Variants in PKM observed in about 807,000 individuals in gnomAD.
PKM encodes the protein pyruvate kinase PKM.
Under a neutral mutation model 49.8 loss-of-function variants are expected in PKM, and 18 were observed. That is an observed-to-expected ratio of 0.36 (90% CI 0.25 to 0.54). The LOEUF is 0.54. Among genes scored for constraint, PKM ranks in the 20% least tolerant of loss-of-function variants. The pLI, the probability that PKM is intolerant of heterozygous loss-of-function variation, is 0.89. For synonymous variants in PKM, 239 were observed against 261.8 expected (o/e 0.91, Z 0.84); for missense variants, 508 against 713.8 (o/e 0.71, Z 3.28).
intron 6 of PKM, among the ~76,000 whole-genome samples, chr15:72,207,577 T>C (rs909112470): frequency 4.6e-5 from 7 of 152,210 alleles, no homozygotes; most frequent in African/African-American, 1.7e-4. Flanking sequence ...CCAAATCCCA[T>C]GCATGTTAGG....
chr15:72,214,027 CTATAATCTTACAAAAT>C (rs956621734), intron 3 of PKM, among the ~76,000 whole-genome samples: 1 of 152,198 alleles, frequency 6.6e-6, no homozygotes, highest in Admixed American at 6.5e-5. Flanking sequence ...TTTCATTGAG[CTATAATCTTACAAAAT>C]TATTTTCTTC....
intron 3 of PKM, among the ~76,000 whole-genome samples, chr15:72,214,848 A>C (rs1399412189): frequency 6.6e-6 from 1 of 152,162 alleles, no homozygotes; most frequent in African/African-American, 2.4e-5. Context: ...ATATGGAACC[A>C]CATGTTCAGC....
chr15:72,207,094 C>A, intron 7 of PKM, 33 bp downstream of exon 7: 1 of 1,611,910 alleles, frequency 6.2e-7, no homozygotes, highest in South Asian at 1.1e-5. Flanking sequence ...TGCGAGTGTG[C>A]ACATGAGAAT....
chr15:72,230,815 C>T (rs1327867608), intron 1 of PKM: 4 of 596,688 alleles, frequency 6.7e-6, no homozygotes, highest in Non-Finnish European at 1.0e-5. Flanking sequence ...AGGATGGAGG[C>T]GCATTGAGGA....
chr15:72,203,054 T>G, intron 8 of PKM: 1 of 1,614,206 alleles, frequency 6.2e-7, no homozygotes, highest in South Asian at 1.1e-5. Context: ...TCAAAGCTGC[T>G]GCTAAACACT....
intron 5 of PKM, 102 bp downstream of exon 5, chr15:72,209,571 A>T: frequency 1.1e-6 from 1 of 943,508 alleles, no homozygotes; most frequent in Non-Finnish European, 1.7e-6. Flanking sequence ...ACACAGACTC[A>T]ATCTCACTGC....
chr15:72,211,957 C>T (rs1272682298), intron 3 of PKM, among the ~76,000 whole-genome samples: 3 of 152,118 alleles, frequency 2.0e-5, no homozygotes, highest in Non-Finnish European at 2.9e-5. Flanking sequence ...GAAAGTGGCA[C>T]CTGCAAGTAA....
In PKM at chr15:72,200,548, A is replaced by T; in HGVS notation, c.1415T>A (p.Val472Glu). The change falls in exon 10 of 11, where the codon GTG becomes GAG. Residue 472 changes from valine (V) to glutamate (E), a missense_variant. By Grantham distance (121) the Val-to-Glu change is moderately radical. Transcript: ENST00000335181. The surrounding 1 kb of genome is among the most constrained non-coding windows in gnomAD (Gnocchi z 4.6). The part of the protein sequence containing the change: ...QAHLYRGIFP[V>E]LCKDPVQEAW... ...CTCCTGGACTGGGTCCTTGCACAGCACAGGGAAGATGCCACGGTACAGGTG... is the reference window on the plus strand; with the variant it reads ...CTCCTGGACTGGGTCCTTGCACAGCTCAGGGAAGATGCCACGGTACAGGTG... 6.2e-7 allele frequency: 1 copy of T among 1,613,972 alleles called. No individual in the cohort carries two copies. The highest frequency in any genetic ancestry group is 8.5e-7 in the Non-Finnish European group (1 of 1,179,892).
intron 1 of PKM, chr15:72,229,549 G>C: frequency 1.6e-6 from 2 of 1,287,064 alleles, no homozygotes; most frequent in Non-Finnish European, 2.0e-6. Context: ...GCCCTTACAT[G>C]ACTGAGTCTT....
chr15:72,200,593 G>T lies in PKM; in HGVS notation c.1370C>A (p.Pro457His). The T allele has an allele frequency of 6.2e-7, 1 of 1,614,004 alleles. No homozygotes were observed. The highest frequency in any genetic ancestry group is 8.5e-7 in the Non-Finnish European group (1 of 1,179,930). ...CAGGTGGGCCTGACGAGCTGTCTGG[G>T]GATTCCGGGTCACAGCAATGATGGG... is the stretch of plus-strand genomic sequence containing the variant. ...RAPIIAVTRNPQTARQAHLYR... is the reference protein window; with the variant it reads ...RAPIIAVTRNHQTARQAHLYR... The change falls in exon 10 of 11, where the codon CCC becomes CAC. Residue 457 changes from proline (P) to histidine (H), a missense_variant. By Grantham distance (77) the Pro-to-His change is moderately conservative. Transcript: ENST00000335181. This position sits in a 1 kb window ranked among gnomAD's most constrained non-coding sequence, Gnocchi z 4.6.
chr15:72,209,927 T>C (rs1295942135), intron 4 of PKM, 68 bp from the exon 5 acceptor site: 2 of 1,321,568 alleles, frequency 1.5e-6, no homozygotes, highest in East Asian at 2.3e-5. Flanking sequence ...TCAGAAGGAA[T>C]GGAAAAGCTC....
intron 1 of PKM, chr15:72,229,773 A>C: frequency 1.0e-6 from 1 of 993,256 alleles, no homozygotes; most frequent in Non-Finnish European, 1.3e-6. Context: ...TGACCCCCAA[A>C]CAGCCCTTGA....
At chr15:72,210,971 T>C (rs2082236315) in intron 3 of PKM, among the ~76,000 whole-genome samples, 1 of 152,176 alleles carries the variant, frequency 6.6e-6, no homozygotes, top group Non-Finnish European at 1.5e-5. Context: ...TGATTCCAAC[T>C]ACAACGCAAA....
At position 72,202,081 on chromosome 15, in the gene PKM, C is replaced by A; in HGVS notation, c.1307+373G>T. On this transcript the variant is annotated intron_variant, in intron 9 of 10. Coordinates refer to ENST00000335181, the MANE Select transcript of PKM (RefSeq NM_002654.6). The surrounding 1 kb of genome is among the most constrained non-coding windows in gnomAD (Gnocchi z 4.5). ...ACAGCATTTAAATAAATTCATTTCC[C>A]AACTGAAATTTTTAAAGAGCACATA... The A allele has an allele frequency of 3.5e-6, 1 of 285,014 alleles. No homozygotes were observed. Among genetic ancestry groups the A allele is most frequent in the Non-Finnish European group, 6.8e-6 (1 of 145,996 alleles). 17.7% of individuals were successfully genotyped at this position (285,014 alleles called of 1,614,324 possible). A position where few individuals can be genotyped will look rare whatever the true frequency, so the allele number is the denominator to read the frequency against.
intron 4 of PKM, 44 bp downstream of exon 4, chr15:72,210,303 T>C (rs1001899736): frequency 8.7e-6 from 14 of 1,604,856 alleles, no homozygotes; most frequent in Non-Finnish European, 8.5e-7. Context: ...CTCTGGGGCA[T>C]ATTGCCTACT....
At chr15:72,226,316 A>C (rs1313667681) in intron 1 of PKM, among the ~76,000 whole-genome samples, 1 of 152,196 alleles carries the variant, frequency 6.6e-6, no homozygotes, top group Non-Finnish European at 1.5e-5. Flanking sequence ...TCACGAGGTC[A>C]GCAGACTGAG....
At chr15:72,208,570 T>C (rs531520945) in intron 6 of PKM, 51 bp downstream of exon 6, 112 of 1,601,778 alleles carry the variant, frequency 7.0e-5, no homozygotes, top group Non-Finnish European at 9.3e-5. Context: ...GGATGGACCA[T>C]GCCCTTCGGA....
At chr15:72,228,467 G>T (rs73438414) in intron 1 of PKM, 4,210 of 380,786 alleles carry the variant, frequency 0.011, 166 homozygotes, top group African/African-American at 0.086. Flanking sequence ...AAGCTCCGTA[G>T]TTGAGGCATT....
chr15:72,229,207 A>G (rs1000494879), intron 1 of PKM, among the ~76,000 whole-genome samples: 10 of 152,220 alleles, frequency 6.6e-5, no homozygotes, highest in Non-Finnish European at 8.8e-5. Context: ...ATTGTGCTCA[A>G]AAATAATATA....
Sources: allele counts gnomAD v4.1 joint callset (sites outside exome capture counted in the v4.1 genomes callset), GRCh38; gene constraint gnomAD v4.1.1; non-coding constraint Gnocchi (gnomAD v3.1); transcripts MANE v1.5; gene names NCBI Gene and HGNC (gene_info 2026-07-23, HGNC 2026-07-21).